MED12L: variants seen among roughly 807,000 people sequenced by gnomAD.
MED12L encodes the protein mediator complex subunit 12L.
A neutral mutation model predicts 281.3 loss-of-function variants in MED12L; 60 were observed. The observed-to-expected ratio is 0.21, with a 90% CI of 0.17 to 0.26. The LOEUF (loss-of-function observed/expected upper bound fraction) is 0.26, where lower values mean the gene tolerates loss of function less well. Ranked by LOEUF, MED12L falls within the 10% of genes least tolerant of loss-of-function variation. The pLI is 1.00. For synonymous variants in MED12L, 974 were observed against 987.2 expected, an observed-to-expected ratio of 0.99 and a Z score of 0.25; for missense variants, 2,146 against 2,680.9, an observed-to-expected ratio of 0.80 and a Z score of 4.41.
chr3:151,378,262 C>T, intron 31 of MED12L, 89 bp downstream of exon 31: 4 of 1,271,608 alleles, frequency 3.1e-6, no homozygotes, highest in Non-Finnish European at 4.2e-6. Context: ...TCACTGTACC[C>T]ACAGTCCACT....
At chr3:151,417,895 G>A (rs1577604645) in intron 43 of MED12L, among the ~76,000 whole-genome samples, 2 of 152,170 alleles carry the variant, frequency 1.3e-5, no homozygotes, top group African/African-American at 4.8e-5. Flanking sequence ...TAAAGTAGAG[G>A]TAGTATGTAA....
Position 151,085,769 on chromosome 3 carries a change from C to T in MED12L, c.-297C>T, listed in dbSNP as rs964196843. The T allele has an allele frequency of 6.6e-6, 1 of 152,070 alleles. No homozygotes were observed. Among genetic ancestry groups the T allele is most frequent in the East Asian group, 1.9e-4 (1 of 5,148 alleles). 9.4% of individuals were successfully genotyped at this position (152,070 alleles called of 1,614,324 possible). A position where few individuals can be genotyped will look rare whatever the true frequency, so the allele number is the denominator to read the frequency against. On this transcript the variant is annotated 5_prime_UTR_variant, in exon 1 of 45. The change creates a premature stop within an existing upstream ORF in the 5' untranslated region. Coordinates refer to ENST00000687756, the MANE Select transcript of MED12L (RefSeq NM_001393769.1). ...GCGAGCCGGCGTCGCTCGCCGCCCC[C>T]AGACAGTGGCAAACTTCGCGGCGTT...
intron 16 of MED12L, among the ~76,000 whole-genome samples, chr3:151,336,116 A>C (rs1320369742): frequency 6.6e-6 from 1 of 152,202 alleles, no homozygotes; most frequent in East Asian, 1.9e-4. Context: ...GAAGAAGGTT[A>C]GATTAGTTGA....
intron 16 of MED12L, among the ~76,000 whole-genome samples, chr3:151,221,893 C>A (rs1447190135): frequency 6.6e-6 from 1 of 152,166 alleles, no homozygotes; most frequent in African/African-American, 2.4e-5. Context: ...AATAGTAGAT[C>A]CCCTGACAGC....
rs772561303 is a variant in MED12L at position 151,376,899 on chromosome 3, T to C, written c.4128+25T>C. On this transcript the variant is annotated intron_variant, in intron 29 of 44. Transcript: ENST00000687756. Reference sequence around the variant, plus strand: ...TGTGAGTTTATATTGAAAGCTTATCTCTGTATGAAATTTTATAAAAAGCAA... The same window carrying C: ...TGTGAGTTTATATTGAAAGCTTATCCCTGTATGAAATTTTATAAAAAGCAA... The C allele has an allele frequency of 3.7e-6, 6 of 1,612,804 alleles. No homozygotes were observed. The South Asian group carries it at 6.6e-5, about 18-fold the overall frequency.
intron 16 of MED12L, among the ~76,000 whole-genome samples, chr3:151,345,837 A>G (rs1360839495): frequency 6.6e-6 from 1 of 152,102 alleles, no homozygotes; most frequent in African/African-American, 2.4e-5. Context: ...ACTTGTATGA[A>G]AAACTGATGT....
chr3:151,165,341 A>C, intron 9 of MED12L, 79 bp from the exon 10 acceptor site: 1 of 1,100,332 alleles, frequency 9.1e-7, no homozygotes, highest in Non-Finnish European at 1.4e-6. Flanking sequence ...TACTTTACTC[A>C]CGTGGAAAAA....
chr3:151,303,471 C>A (rs1746220072), intron 16 of MED12L, among the ~76,000 whole-genome samples: 1 of 152,090 alleles, frequency 6.6e-6, no homozygotes, highest in South Asian at 2.1e-4. Flanking sequence ...CAAGATGAAA[C>A]TGCACAGTCG....
intron 6 of MED12L, 59 bp from the exon 7 acceptor site, chr3:151,158,630 T>A: frequency 2.8e-6 from 3 of 1,073,198 alleles, no homozygotes; most frequent in Non-Finnish European, 4.2e-6. Context: ...AGAATGACAG[T>A]GCCTTTTTTG....
chr3:151,324,947 GT>G (rs1198955149), intron 16 of MED12L, among the ~76,000 whole-genome samples: 1 of 152,054 alleles, frequency 6.6e-6, no homozygotes, highest in Non-Finnish European at 1.5e-5. Flanking sequence ...CTGACTTTGG[GT>G]TTTTTTGCTC....
At chr3:151,273,977 C>T (rs1399465559) in intron 16 of MED12L, among the ~76,000 whole-genome samples, 1 of 152,082 alleles carries the variant, frequency 6.6e-6, no homozygotes, top group African/African-American at 2.4e-5. Flanking sequence ...AGGACTGGGT[C>T]TGGATTTTTT....
At chr3:151,311,017 A>G (rs1747422117) in intron 16 of MED12L, among the ~76,000 whole-genome samples, 1 of 152,148 alleles carries the variant, frequency 6.6e-6, no homozygotes, top group Non-Finnish European at 1.5e-5. Flanking sequence ...CAGGATGGGG[A>G]AGCCATCAGA....
intron 16 of MED12L, among the ~76,000 whole-genome samples, chr3:151,260,389 G>C (rs930378511): frequency 6.6e-6 from 1 of 152,062 alleles, no homozygotes; most frequent in African/African-American, 2.4e-5. Context: ...TTGCTCTGTT[G>C]TCCAGGCTGG....
chr3:151,241,330 AG>A (rs1734035371), intron 16 of MED12L, among the ~76,000 whole-genome samples: 1 of 152,236 alleles, frequency 6.6e-6, no homozygotes, highest in Non-Finnish European at 1.5e-5. Flanking sequence ...TCAATATCAA[AG>A]AGTATGGCAA....
intron 17 of MED12L, among the ~76,000 whole-genome samples, chr3:151,353,437 A>G (rs1480952035): frequency 6.6e-6 from 1 of 152,246 alleles, no homozygotes; most frequent in East Asian, 1.9e-4. Flanking sequence ...TGAATTTGTT[A>G]GTTCCTAATC....
chr3:151,147,857 CT>C (rs1340045557), intron 5 of MED12L, among the ~76,000 whole-genome samples: 1 of 152,176 alleles, frequency 6.6e-6, no homozygotes, highest in Non-Finnish European at 1.5e-5. Flanking sequence ...TGTCATTTCT[CT>C]TAGATATACA....
chr3:151,206,015 G>A (rs1266703466), intron 16 of MED12L, among the ~76,000 whole-genome samples: 1 of 150,678 alleles, frequency 6.6e-6, no homozygotes, highest in Non-Finnish European at 1.5e-5. Context: ...TGCAACTCCA[G>A]TTCAGCCCTC....
intron 14 of MED12L, 121 bp from the exon 15 acceptor site, chr3:151,192,429 G>GAAAACAATACGGGGAAC: frequency 1.4e-6 from 1 of 733,956 alleles, no homozygotes; most frequent in Non-Finnish European, 2.3e-6. Flanking sequence ...TTGCGGGGAA[G>GAAAACAATACGGGGAAC]AAAACAATAC....
chr3:151,087,181 C>G (rs1252835704), intron 2 of MED12L, among the ~76,000 whole-genome samples, 156 bp downstream of exon 2: 1 of 152,132 alleles, frequency 6.6e-6, no homozygotes, highest in African/African-American at 2.4e-5. Flanking sequence ...TGGGCGACCC[C>G]CCGGCGGCGG....
Sources: allele counts gnomAD v4.1 joint callset (sites outside exome capture counted in the v4.1 genomes callset), GRCh38; gene constraint gnomAD v4.1.1; transcripts MANE v1.5; gene names NCBI Gene and HGNC (gene_info 2026-07-23, HGNC 2026-07-21).